The following PTGIR variants were observed in gnomAD, a reference collection of about 807,000 sequenced individuals.
PTGIR encodes prostacyclin receptor.
Under a neutral mutation model 17.6 loss-of-function variants are expected in PTGIR, and 16 were observed. The ratio of observed to expected loss-of-function variants is 0.91; its 90% confidence interval spans 0.61 to 1.38. PTGIR has a LOEUF of 1.38. Among genes scored for constraint, PTGIR ranks in the 40% most tolerant of loss-of-function variants. The pLI is 0.00. For missense variants in PTGIR, 532 were observed against 548.6 expected (o/e 0.97, Z 0.30); for synonymous variants, 274 against 255.4 (o/e 1.07, Z -0.69).
chr19:46,620,382 A>G, downstream of PTGIR: 1 of 961,912 alleles, frequency 1.0e-6, no homozygotes, highest in Non-Finnish European at 1.2e-6. Flanking sequence ...GATTACAGGC[A>G]TGTGCTATGG....
At chr19:46,622,363 G>A (rs1032909374) in intron 2 of PTGIR, 33 of 985,416 alleles carry the variant, frequency 3.3e-5, no homozygotes, top group Non-Finnish European at 3.6e-5. Context: ...GTGACTGGGC[G>A]AAAGACACTG....
chr19:46,619,585 A>AGAGAG (rs1972020533), downstream of PTGIR, among the ~76,000 whole-genome samples: 1 of 127,068 alleles, frequency 7.9e-6, no homozygotes, highest in African/African-American at 2.9e-5. Flanking sequence ...GAGAGAGAGA[A>AGAGAG]AGAAAGAAAA....
In PTGIR at chr19:46,621,192, C is replaced by T. The variant is rs2122326042; in HGVS notation, c.*88G>A. 3.5e-6 allele frequency: 5 copies of T among 1,431,054 alleles called. No individual in the cohort carries two copies. Among genetic ancestry groups the T allele is most frequent in the Non-Finnish European group, 4.6e-6 (5 of 1,088,316 alleles). The allele number at this position is 1,431,054 out of a possible 1,614,324, so 88.6% of individuals were successfully genotyped here. ...CCCCAGAGTTTGGGGGCCAAGGTTC[C>T]AGCATCCGCAGCCATCAGCCATGTC... On this transcript the variant is annotated 3_prime_UTR_variant, in exon 3 of 3. Transcript: ENST00000291294. The surrounding 1 kb of genome is among the most constrained non-coding windows in gnomAD (Gnocchi z 4.8).
the PTGIR span, chr19:46,610,873 G>A: frequency 6.5e-6 from 1 of 152,806 alleles, no homozygotes; most frequent in African/African-American, 2.4e-5. Context: ...TTGGCCCAGA[G>A]GTGGAAGAGC....
At chr19:46,614,091 G>A in the PTGIR span, among the ~76,000 whole-genome samples, 27 of 152,334 alleles carry the variant, frequency 1.8e-4, no homozygotes, top group Admixed American at 1.6e-3. Flanking sequence ...GCCCAAAGAA[G>A]AGAAATGCCT....
In PTGIR at chr19:46,623,537, G is replaced by A. The variant is rs751673048; in HGVS notation, c.689C>T (p.Thr230Ile). The change falls in exon 2 of 3, where the codon ACC (threonine) becomes ATC (isoleucine). Residue 230 changes from threonine (T) to isoleucine (I), a missense_variant. By Grantham distance (89) the Thr-to-Ile change is moderately conservative (BLOSUM62 -1). Coordinates refer to ENST00000291294, the MANE Select transcript of PTGIR (RefSeq NM_000960.4). ...CAGGTGGTCCACCTCGTCCTCTCCG[G>A]TGCGCGGCCGTGGACCCAGAGAGCC... ...HQGSLGPRPR[T>I]GEDEVDHLIL... is the part of the protein sequence containing the mutation. The A allele has an allele frequency of 6.4e-7, 1 of 1,559,480 alleles. No individual in the cohort carries two copies. Among genetic ancestry groups the A allele is most frequent in the African/African-American group, 1.4e-5 (1 of 73,904 alleles).
At chr19:46,624,643 C>CG (rs2052782167) in intron 1 of PTGIR, 2 of 157,302 alleles carry the variant, frequency 1.3e-5, no homozygotes, top group South Asian at 1.9e-4. Flanking sequence ...TCAGTAGAGA[C>CG]GGGGTTCCAC....
chr19:46,623,702 C>A lies in PTGIR; in HGVS notation c.524G>T (p.Arg175Leu), dbSNP rs200587945. 1.9e-6 allele frequency: 3 copies of A among 1,569,510 alleles called. No individual in the cohort carries two copies. In the South Asian group the frequency reaches 3.5e-5, roughly 18 times the overall value. ...GGCGGCGCCGCCCGGCTGGGCCCAG[C>A]GCATGCGGAGGAAGCACCAGCTGCC... The part of the protein sequence containing the change: ...CPGSWCFLRM[R>L]WAQPGGAAFS... The change falls in exon 2 of 3, where the codon CGC becomes CTC. Residue 175 changes from arginine to leucine, a missense_variant. Transcript: ENST00000291294.
rs150178968 is a variant in PTGIR, at chr19:46,623,268, A to G, written c.768+190T>C. On this transcript the variant is annotated intron_variant, in intron 2 of 2. Coordinates refer to ENST00000291294, the MANE Select transcript of PTGIR (RefSeq NM_000960.4). ...GGCCTCGGCCTCCCAAAGTGCTGGG[A>G]TTACAGGTGTGAGCCACCGCATCCG... 8.7e-3 allele frequency: 5,508 copies of G among 631,416 alleles called. 230 individuals carry two copies. In the African/African-American group the frequency reaches 0.091, roughly 10 times the overall value. The allele number at this position is 631,416 out of a possible 1,614,324, so 39.1% of individuals were successfully genotyped here.
downstream of PTGIR, among the ~76,000 whole-genome samples, chr19:46,615,627 T>A (rs560173975): frequency 6.6e-6 from 1 of 151,976 alleles, no homozygotes; most frequent in Non-Finnish European, 1.5e-5. Context: ...TGCCTCAGCC[T>A]CCCAAGTAGC....
downstream of PTGIR, among the ~76,000 whole-genome samples, chr19:46,617,844 CT>C (rs61603656): frequency 2.8e-3 from 393 of 138,362 alleles, 1 homozygote; most frequent in South Asian, 4.2e-3. Context: ...TTAACAAGGG[CT>C]TTTTTTTTTT....
chr19:46,616,098 G>A (rs915999875), downstream of PTGIR, among the ~76,000 whole-genome samples: 4 of 152,068 alleles, frequency 2.6e-5, no homozygotes, highest in African/African-American at 9.7e-5. Context: ...CACTGCGCAC[G>A]ACCTTTGTAA....
chr19:46,616,540 G>A (rs999418957), downstream of PTGIR, among the ~76,000 whole-genome samples: 1 of 151,720 alleles, frequency 6.6e-6, no homozygotes, highest in African/African-American at 2.4e-5. Context: ...CACCATATTG[G>A]CCAGGTTGGT....
At position 46,621,536 on chromosome 19, in the gene PTGIR, C is replaced by G. The variant is rs267605549; in HGVS notation, c.905G>C (p.Arg302Pro). ...FILFRKAVFQRLKLWVCCLCL... is the reference protein window; with the variant it reads ...FILFRKAVFQPLKLWVCCLCL... ...CAGGCAGCAGACCCAGAGCTTGAGT[C>G]GCTGGAAGACAGCCTTGCGGAAAAG... The change falls in exon 3 of 3, where the codon CGA becomes CCA. Residue 302 changes from arginine to proline, a missense_variant. Physicochemically the swap from Arg to Pro is moderately radical, Grantham distance 103. Coordinates refer to ENST00000291294, the MANE Select transcript of PTGIR (RefSeq NM_000960.4). The surrounding 1 kb of genome is among the most constrained non-coding windows in gnomAD (Gnocchi z 4.8). The G allele has an allele frequency of 6.2e-7, 1 of 1,614,132 alleles. No individual in the cohort carries two copies. The highest frequency in any genetic ancestry group is 8.5e-7 in the Non-Finnish European group (1 of 1,180,034).
rs1196260054 is a variant in PTGIR at position 46,623,662 on chromosome 19, G to A, written c.564C>T (p.Tyr188=). ...CCACCAGCAGGGCCACCAGGCCGGC[G>A]TAGGCCAGCGAGAAGGCGGCGCCGC... ...QPGGAAFSLA[Y]AGLVALLVAA... is the part of the protein sequence containing the mutation. The change falls in exon 2 of 3, where the codon TAC becomes TAT. Residue 188 remains tyrosine (Y), a synonymous_variant. Transcript: ENST00000291294. 1.9e-6 allele frequency: 3 copies of A among 1,549,132 alleles called. No individual in the cohort carries two copies. The highest frequency in any genetic ancestry group is 1.2e-5 in the South Asian group (1 of 84,588).
At chr19:46,617,746 G>C (rs1971982864), downstream of PTGIR, among the ~76,000 whole-genome samples, 1 of 152,070 alleles carries the variant, frequency 6.6e-6, no homozygotes, top group Admixed American at 6.5e-5. Context: ...CCTCTGTTGG[G>C]GGTAGGAGGG....
chr19:46,612,026 C>T, the PTGIR span, among the ~76,000 whole-genome samples: 1 of 152,258 alleles, frequency 6.6e-6, no homozygotes, highest in Non-Finnish European at 1.5e-5. Flanking sequence ...TGGTGCATCC[C>T]AGTCACCGGA....
downstream of PTGIR, among the ~76,000 whole-genome samples, chr19:46,619,550 AG>A (rs781641240): frequency 0.089 from 5,911 of 66,078 alleles, 183 homozygotes; most frequent in Admixed American, 0.097. Context: ...AGAAAGAAAG[AG>A]AGAGAGAGAG....
downstream of PTGIR, among the ~76,000 whole-genome samples, chr19:46,616,926 G>A (rs1301995632): frequency 1.3e-5 from 2 of 152,266 alleles, no homozygotes; most frequent in African/African-American, 4.8e-5. Context: ...GCAGGCTGTG[G>A]CCAGTGCCAT....
Sources: allele counts gnomAD v4.1 joint callset (sites outside exome capture counted in the v4.1 genomes callset), GRCh38; gene constraint gnomAD v4.1.1; non-coding constraint Gnocchi (gnomAD v3.1); transcripts MANE v1.5; gene names NCBI Gene and HGNC (gene_info 2026-07-23, HGNC 2026-07-21).